UBL7: variants seen among roughly 807,000 people sequenced by gnomAD.
UBL7 encodes the protein ubiquitin like 7, also known as ubiquitin-like protein 7.
In UBL7, 21 loss-of-function variants were observed where a neutral mutation model predicts 41.7. That is an observed-to-expected ratio of 0.50 (90% confidence interval 0.36 to 0.73). The LOEUF (loss-of-function observed/expected upper bound fraction) is 0.73. Among genes scored for constraint, UBL7 ranks in the 30% least tolerant of loss-of-function variants. The pLI is 0.00. For synonymous variants in UBL7, 157 were observed against 186.9 expected (o/e 0.84, Z 1.31); for missense variants, 403 against 478.4 (o/e 0.84, Z 1.47).
intron 6 of UBL7, among the ~76,000 whole-genome samples, chr15:74,450,573 G>A (rs996381146): frequency 3.9e-5 from 6 of 152,132 alleles, no homozygotes; most frequent in Non-Finnish European, 8.8e-5. Context: ...AACCTAAACT[G>A]AGCCTGGCAG....
intron 5 of UBL7, 116 bp downstream of exon 5, chr15:74,451,320 C>A: frequency 2.1e-6 from 2 of 941,678 alleles, no homozygotes; most frequent in South Asian, 1.5e-5. Context: ...TCTCCCTCTT[C>A]CCACAAGACC....
At chr15:74,453,681 G>T (rs544006077) in intron 3 of UBL7, among the ~76,000 whole-genome samples, 44 of 152,356 alleles carry the variant, frequency 2.9e-4, no homozygotes, top group South Asian at 6.2e-4. Flanking sequence ...GTGACGTCCT[G>T]AAGGGATTTG....
intron 1 of UBL7, chr15:74,460,596 C>T (rs970263332): frequency 5.8e-5 from 53 of 916,196 alleles, no homozygotes; most frequent in Non-Finnish European, 7.7e-5. Flanking sequence ...CTGCTTGCCC[C>T]CTCCTCCACC....
intron 6 of UBL7, 105 bp from the exon 7 acceptor site, chr15:74,450,174 T>C (rs575992575): frequency 7.5e-7 from 1 of 1,334,746 alleles, no homozygotes; most frequent in Admixed American, 2.8e-5. Flanking sequence ...CACCTGTGCC[T>C]GCTCTCAAAT....
chr15:74,451,062 C>T (rs2061241176), intron 5 of UBL7, among the ~76,000 whole-genome samples: 3 of 152,190 alleles, frequency 2.0e-5, no homozygotes, highest in Admixed American at 2.0e-4. Context: ...CCCCTGCTCT[C>T]CACCTCCCCT....
At chr15:74,450,950 C>G in intron 5 of UBL7, 91 bp from the exon 6 acceptor site, 1 of 1,325,370 alleles carries the variant, frequency 7.5e-7, no homozygotes, top group Non-Finnish European at 1.1e-6. Context: ...ACCAGCTCAA[C>G]AGGGACACAG....
chr15:74,461,129 G>C lies in UBL7; in HGVS notation c.-122C>G, dbSNP rs574223971. On this transcript the variant is annotated 5_prime_UTR_variant, in exon 1 of 11. Transcript: ENST00000395081. ...TCACCCGTCCCGCGGAAGGAACCCG[G>C]CCGCACTGCCGCCGGTGTAAACACT... 2.1e-5 allele frequency: 21 copies of C among 996,780 alleles called. No homozygotes were observed. The East Asian group carries it at 2.0e-3, about 95-fold the overall frequency. The allele number at this position is 996,780 out of a possible 1,614,324, so 61.7% of individuals were successfully genotyped here.
In UBL7 at chr15:74,446,016, G is replaced by A; in HGVS notation, c.*74C>T. On this transcript the variant is annotated 3_prime_UTR_variant, in exon 11 of 11. Coordinates refer to ENST00000395081, the MANE Select transcript of UBL7 (RefSeq NM_032907.5). The surrounding 1 kb of genome is among the most constrained non-coding windows in gnomAD (Gnocchi z 4.1). Reference sequence around the variant, plus strand: ...AGGTATATTGGGGAAGGGAGAGATGGAGGCACCTTCATGAGTGCCTCCCAA... The same window carrying A: ...AGGTATATTGGGGAAGGGAGAGATGAAGGCACCTTCATGAGTGCCTCCCAA... 1 of 1,565,180 alleles carries A rather than the reference G, an allele frequency of 6.4e-7. No individual in the cohort carries two copies. The highest frequency in any genetic ancestry group is 1.8e-5 in the Admixed American group (1 of 54,066).
chr15:74,447,886 T>C (rs1333956606), intron 10 of UBL7, among the ~76,000 whole-genome samples: 2 of 152,158 alleles, frequency 1.3e-5, no homozygotes, highest in Non-Finnish European at 2.9e-5. Context: ...TAGTTTTGAG[T>C]ATGTCACATA....
At chr15:74,458,657 G>A in intron 2 of UBL7, 27 bp downstream of exon 2, 1 of 1,595,470 alleles carries the variant, frequency 6.3e-7, no homozygotes, top group Admixed American at 1.7e-5. Flanking sequence ...CAGAGCAGCA[G>A]CCCAACCCCA....
chr15:74,458,440 A>G (rs1185565377), intron 2 of UBL7, among the ~76,000 whole-genome samples: 2 of 152,238 alleles, frequency 1.3e-5, no homozygotes, highest in Non-Finnish European at 2.9e-5. Context: ...AACAAAAACA[A>G]AAAACAAGAC....
chr15:74,457,832 G>A (rs922115470), intron 2 of UBL7, among the ~76,000 whole-genome samples: 2 of 151,728 alleles, frequency 1.3e-5, no homozygotes, highest in Non-Finnish European at 2.9e-5. Flanking sequence ...TAAATCAATG[G>A]AAAAACAACA....
At chr15:74,448,979 G>A (rs886211968) in intron 9 of UBL7, among the ~76,000 whole-genome samples, 1 of 152,134 alleles carries the variant, frequency 6.6e-6, no homozygotes, top group Non-Finnish European at 1.5e-5. Context: ...GGGACTACAC[G>A]GGACCATGTT....
At chr15:74,449,858 C>G (rs2061224640) in intron 7 of UBL7, 78 bp downstream of exon 7, 1 of 1,556,606 alleles carries the variant, frequency 6.4e-7, no homozygotes, top group African/African-American at 1.3e-5. Context: ...CAACGCTATA[C>G]ATAGCTGCTG....
Position 74,450,916 on chromosome 15 carries a change from G to A in UBL7, c.473-57C>T, listed in dbSNP as rs1371963317. ...GGAAATCAGCCAGATCCAGGAGGGA[G>A]AAGAGGCTTTGCGTCTCAGAGCAAC... On this transcript the variant is annotated intron_variant, in intron 5 of 10. Coordinates refer to ENST00000395081, the MANE Select transcript of UBL7 (RefSeq NM_032907.5). The A allele has an allele frequency of 4.4e-6, 7 of 1,596,836 alleles. No individual in the cohort carries two copies. The East Asian group carries it at 1.1e-4, about 25-fold the overall frequency.
At chr15:74,451,366 A>G in intron 5 of UBL7, 70 bp downstream of exon 5, 2 of 1,339,672 alleles carry the variant, frequency 1.5e-6, no homozygotes, top group Admixed American at 1.7e-5. Context: ...GTCTCTTTAG[A>G]GGAATTGTCT....
rs775447594 is a variant in UBL7, at chr15:74,458,832, C to T, written c.36G>A (p.Leu12=). 5 of 1,612,796 alleles carry T rather than the reference C, an allele frequency of 3.1e-6. No homozygotes were observed. Among genetic ancestry groups the T allele is most frequent in the Non-Finnish European group, 4.2e-6 (5 of 1,180,048 alleles). Residue 12 remains leucine, a synonymous_variant, in exon 2 of 11, where the codon CTG becomes CTA. Coordinates refer to ENST00000395081, the MANE Select transcript of UBL7 (RefSeq NM_032907.5). The part of the protein sequence containing the change: ...SLSDWHLAVK[L]ADQPLTPKSI... The stretch of plus-strand genomic sequence containing the variant: ...ACTTTGGAGTAAGTGGCTGGTCAGC[C>T]AGCTTCACCGCCAGGTGCCAGTCTG...
Position 74,446,294 on chromosome 15 carries a change from G to A in UBL7, c.1006-67C>T. 6.3e-7 allele frequency: 1 copy of A among 1,582,808 alleles called. No individual in the cohort carries two copies. The highest frequency in any genetic ancestry group is 1.1e-5 in the South Asian group (1 of 87,524). ...CCAGTGAAGACTCACTTAGGTCTGT[G>A]CTTTCCGGGGAAGGAAAGGAAGATG... is the stretch of plus-strand genomic sequence containing the variant. On this transcript the variant is annotated intron_variant, in intron 10 of 10. Transcript: ENST00000395081. The surrounding 1 kb of genome is among the most constrained non-coding windows in gnomAD (Gnocchi z 4.1).
At chr15:74,454,974 C>T (rs2061281366) in intron 3 of UBL7, among the ~76,000 whole-genome samples, 1 of 152,154 alleles carries the variant, frequency 6.6e-6, no homozygotes, top group Admixed American at 6.5e-5. Context: ...TTCTGTTCAG[C>T]AATAATAGGG....
Sources: gnomAD v4.1 joint callset for allele counts (sites outside exome capture counted in the v4.1 genomes callset) on GRCh38, gnomAD v4.1.1 for gene constraint, Gnocchi (gnomAD v3.1) non-coding constraint, MANE v1.5 for transcripts, NCBI Gene and HGNC (gene_info 2026-07-23, HGNC 2026-07-21) for gene names.